Variants in MAP2K3 observed in about 807,000 individuals in gnomAD.
MAP2K3 encodes mitogen-activated protein kinase kinase 3.
In MAP2K3, 30 loss-of-function variants were observed where a neutral mutation model predicts 46.4. That is an observed-to-expected ratio of 0.65 (90% CI 0.48 to 0.88). The LOEUF (loss-of-function observed/expected upper bound fraction) is 0.88, where lower values mean the gene tolerates loss of function less well. MAP2K3 is among the 40% of genes least tolerant of loss of function. The probability of loss-of-function intolerance (pLI) is 0.00; values close to 1 mark genes in which losing one functional copy is unlikely to be tolerated. For missense variants in MAP2K3, 380 were observed against 464.5 expected, an observed-to-expected ratio of 0.82 and a Z score of 1.67; for synonymous variants, 189 against 176.3, an observed-to-expected ratio of 1.07 and a Z score of -0.57.
In MAP2K3 at chr17:21,312,275, C is replaced by T. The variant is rs768951364; in HGVS notation, c.908C>T (p.Ala303Val). The T allele has an allele frequency of 5.0e-6, 8 of 1,600,146 alleles. No homozygotes were observed. In the East Asian group the frequency reaches 1.9e-4, roughly 37 times the overall value. The part of the protein sequence containing the change: ...RFSPEFVDFT[A>V]QCLRKNPAER... ...TCCCCCGAGTTTGTGGACTTCACTGCTCAGTGGTGAGTCTTGGGTGCTGCT... is the reference window on the plus strand; with the variant it reads ...TCCCCCGAGTTTGTGGACTTCACTGTTCAGTGGTGAGTCTTGGGTGCTGCT... Residue 303 changes from alanine to valine, a missense_variant, in exon 10 of 12, where the codon GCT becomes GTT. Physicochemically the swap from Ala to Val is moderately conservative, Grantham distance 64. Transcript: ENST00000342679.
At chr17:21,307,866 T>C (rs1215384020) in intron 9 of MAP2K3, among the ~76,000 whole-genome samples, 2 of 150,312 alleles carry the variant, frequency 1.3e-5, no homozygotes, top group African/African-American at 2.5e-5. Context: ...TTTTTTTTTT[T>C]TTTTTTTGAG....
intron 3 of MAP2K3, among the ~76,000 whole-genome samples, chr17:21,299,345 C>A (rs766968039): frequency 6.6e-6 from 1 of 152,310 alleles, no homozygotes; most frequent in Non-Finnish European, 1.5e-5. Flanking sequence ...CATTCAGAAT[C>A]CTGGCTCAGG....
At chr17:21,296,845 C>T (rs970908844) in intron 1 of MAP2K3, among the ~76,000 whole-genome samples, 4 of 152,306 alleles carry the variant, frequency 2.6e-5, no homozygotes, top group Admixed American at 2.0e-4. Flanking sequence ...AGTGACTAGG[C>T]GATTGATTCA....
intron 1 of MAP2K3, among the ~76,000 whole-genome samples, chr17:21,289,732 A>G (rs2144455497): frequency 6.6e-6 from 1 of 152,336 alleles, no homozygotes; most frequent in African/African-American, 2.4e-5. Context: ...CAGGGGAGGC[A>G]GAAGCAGTTT....
At chr17:21,300,441 TA>T in intron 3 of MAP2K3, 103 bp from the exon 4 acceptor site, 2 of 1,207,220 alleles carry the variant, frequency 1.7e-6, no homozygotes, top group Non-Finnish European at 2.4e-6. Context: ...AGCCCAGATC[TA>T]ATCAGCTGGT....
chr17:21,287,955 C>A, intron 1 of MAP2K3: 1 of 1,156,272 alleles, frequency 8.6e-7, no homozygotes, highest in Non-Finnish European at 1.2e-6. Flanking sequence ...GAGGTGGCAC[C>A]TCGGGGACTT....
Position 21,298,335 on chromosome 17 carries a change from G to C in MAP2K3, c.50-78G>C, listed in dbSNP as rs555754790. The C allele has an allele frequency of 1.5e-4, 240 of 1,596,300 alleles. No individual in the cohort carries two copies. In the South Asian group the frequency reaches 2.5e-3, roughly 17 times the overall value. On this transcript the variant is annotated intron_variant, in intron 1 of 11. Coordinates refer to ENST00000342679, the MANE Select transcript of MAP2K3 (RefSeq NM_145109.3). The stretch of plus-strand genomic sequence containing the variant: ...AGAGGCTGGCACCCTTGTGGGCCAG[G>C]GCCTGATGGCTCATGGGAGTGCAGG...
chr17:21,296,296 G>C (rs1976246798), intron 1 of MAP2K3: 2 of 885,344 alleles, frequency 2.3e-6, no homozygotes, highest in Non-Finnish European at 3.2e-6. Context: ...CGCAGAGCTG[G>C]AGTTTACCAC....
At chr17:21,298,269 G>C (rs1433158463) in intron 1 of MAP2K3, 144 bp from the exon 2 acceptor site, 2 of 1,213,362 alleles carry the variant, frequency 1.6e-6, no homozygotes, top group Non-Finnish European at 2.4e-6. Context: ...AGGCCTAACG[G>C]CCTGGCTTGG....
chr17:21,294,702 G>A (rs1208365156), intron 1 of MAP2K3, among the ~76,000 whole-genome samples: 2 of 152,310 alleles, frequency 1.3e-5, no homozygotes, highest in African/African-American at 2.4e-5. Flanking sequence ...GGACAGGGGT[G>A]GTCTGGGGCT....
intron 1 of MAP2K3, among the ~76,000 whole-genome samples, chr17:21,294,214 T>TAGCAGCCCCCGTG (rs1351047084): frequency 6.6e-6 from 1 of 152,306 alleles, no homozygotes; most frequent in African/African-American, 2.4e-5. Flanking sequence ...CGCCTCTTGC[T>TAGCAGCCCCCGTG]GCTCACATCT....
At chr17:21,308,876 G>C (rs1368665590) in intron 9 of MAP2K3, among the ~76,000 whole-genome samples, 6 of 152,238 alleles carry the variant, frequency 3.9e-5, no homozygotes, top group Non-Finnish European at 7.3e-5. Context: ...CTTCTGATAT[G>C]GCTGGTGGAA....
At chr17:21,301,673 G>C (rs1976608980) in intron 5 of MAP2K3, among the ~76,000 whole-genome samples, 1 of 152,310 alleles carries the variant, frequency 6.6e-6, no homozygotes, top group Non-Finnish European at 1.5e-5. Flanking sequence ...GCCTGCGGGT[G>C]CCCCCTGCGC....
intron 1 of MAP2K3, among the ~76,000 whole-genome samples, chr17:21,293,471 G>T (rs1361435857): frequency 6.6e-6 from 1 of 152,310 alleles, no homozygotes; most frequent in Non-Finnish European, 1.5e-5. Flanking sequence ...TTGCCCCTGT[G>T]CAGCTGAGCA....
intron 9 of MAP2K3, among the ~76,000 whole-genome samples, chr17:21,309,993 GTTTT>G (rs1977088100): frequency 6.7e-6 from 1 of 149,694 alleles, no homozygotes; most frequent in Non-Finnish European, 1.5e-5. Context: ...TGTTTTTTTT[GTTTT>G]TTGTTTTTTT....
intron 9 of MAP2K3, among the ~76,000 whole-genome samples, chr17:21,308,911 A>G (rs535803059): frequency 6.6e-6 from 1 of 152,396 alleles, no homozygotes; most frequent in Admixed American, 6.5e-5. Flanking sequence ...TGCTAAGTGT[A>G]TATTTCAGTT....
At chr17:21,313,384 G>C in intron 10 of MAP2K3, 108 bp from the exon 11 acceptor site, 1 of 837,196 alleles carries the variant, frequency 1.2e-6, no homozygotes, top group Non-Finnish European at 2.0e-6. Flanking sequence ...CTGGGTGCAC[G>C]TGTCCCCTGC....
Position 21,302,244 on chromosome 17 carries a change from G to A in MAP2K3, c.501G>A (p.Gly167=). 1 of 1,614,252 alleles carries A rather than the reference G, an allele frequency of 6.2e-7. No individual in the cohort carries two copies. The highest frequency in any genetic ancestry group is 1.1e-5 in the South Asian group (1 of 91,086). ...KNMTIPEDIL[G]EIAVSIVRAL... ...TGACAATTCCAGAGGACATCCTTGG[G>A]GAGATTGCTGTGTCTGTGAGTGGCC... Residue 167 remains glycine, a synonymous_variant, in exon 6 of 12, where the codon GGG becomes GGA. Transcript: ENST00000342679.
chr17:21,292,806 C>T (rs1186266674), intron 1 of MAP2K3, among the ~76,000 whole-genome samples: 7 of 152,308 alleles, frequency 4.6e-5, no homozygotes, highest in Non-Finnish European at 8.8e-5. Flanking sequence ...TTTTCTTTCT[C>T]ACACTGCTGT....
Sources: gnomAD v4.1 joint callset for allele counts (sites outside exome capture counted in the v4.1 genomes callset) on GRCh38, gnomAD v4.1.1 for gene constraint, MANE v1.5 for transcripts, NCBI Gene and HGNC (gene_info 2026-07-23, HGNC 2026-07-21) for gene names.